The following AFG1L variants were observed in gnomAD, a reference collection of about 807,000 sequenced individuals.
The protein encoded by AFG1L is AFG1-like ATPase.
AFG1L carries 53 observed loss-of-function variants against 62.2 expected under a neutral mutation model. The ratio of observed to expected loss-of-function variants is 0.85; its 90% CI spans 0.68 to 1.07. AFG1L has a LOEUF of 1.07. AFG1L is among the 50% of genes least tolerant of loss of function. The pLI is 0.00. For synonymous variants in AFG1L, 228 were observed against 210.3 expected (o/e 1.08, Z -0.73); for missense variants, 555 against 590.5 (o/e 0.94, Z 0.62).
At chr6:108,340,905 T>C (rs560659197) in intron 2 of AFG1L, among the ~76,000 whole-genome samples, 2 of 152,326 alleles carry the variant, frequency 1.3e-5, no homozygotes, top group African/African-American at 4.8e-5. Flanking sequence ...GTTCTCTTTA[T>C]GAAGAAGTAG....
intron 1 of AFG1L, among the ~76,000 whole-genome samples, chr6:108,311,856 T>C (rs771605077): frequency 1.3e-5 from 2 of 152,096 alleles, no homozygotes; most frequent in East Asian, 1.9e-4. Context: ...TATTTATTTA[T>C]GTATTTTATT....
chr6:108,508,660 G>A (rs1229540729), intron 10 of AFG1L, among the ~76,000 whole-genome samples: 1 of 152,072 alleles, frequency 6.6e-6, no homozygotes, highest in Non-Finnish European at 1.5e-5. Flanking sequence ...TAACTCTCTG[G>A]ATTTACTTGT....
In AFG1L at chr6:108,332,107, A is replaced by G. The variant is rs77798916; in HGVS notation, c.363+8059A>G. On this transcript the variant is annotated intron_variant, in intron 2 of 12. Transcript: ENST00000368977. The stretch of plus-strand genomic sequence containing the variant: ...CACTCAGAGCAGCCACAGGCAATAC[A>G]TAAATAACTGTATTCCAATAAATCT... Among the ~76,000 whole-genome samples the G allele has an allele frequency of 4.1e-3, 631 of 152,372 alleles. 5 individuals carry two copies. The highest frequency in any genetic ancestry group is 0.013 in the African/African-American group (556 of 41,596).
chr6:108,348,038 A>G (rs1778933758), intron 3 of AFG1L, among the ~76,000 whole-genome samples: 1 of 152,052 alleles, frequency 6.6e-6, no homozygotes, highest in African/African-American at 2.4e-5. Context: ...GAAAAGAAAA[A>G]AAAAGGGCAT....
intron 11 of AFG1L, among the ~76,000 whole-genome samples, chr6:108,510,856 C>T (rs6924138): frequency 0.38 from 57,971 of 151,870 alleles, 11,509 homozygotes; most frequent in Non-Finnish European, 0.45. Flanking sequence ...AAGGGAGGAT[C>T]GCTTGAGGCC....
chr6:108,511,953 G>A (rs772500776), intron 11 of AFG1L, among the ~76,000 whole-genome samples: 5 of 152,226 alleles, frequency 3.3e-5, no homozygotes, highest in Non-Finnish European at 7.3e-5. Flanking sequence ...TCACCACTGT[G>A]GGATGACCTG....
intron 2 of AFG1L, among the ~76,000 whole-genome samples, chr6:108,330,465 C>T (rs1351314269): frequency 3.9e-5 from 6 of 152,232 alleles, no homozygotes; most frequent in African/African-American, 9.6e-5. Context: ...TGAGCCACTG[C>T]GCCTGGCTCA....
chr6:108,369,490 G>A (rs1779901039), intron 6 of AFG1L, among the ~76,000 whole-genome samples: 2 of 151,976 alleles, frequency 1.3e-5, no homozygotes, highest in African/African-American at 4.8e-5. Context: ...GAGAAAGAAC[G>A]TCCTTTTCTT....
At chr6:108,418,626 G>T (rs1254384736) in intron 7 of AFG1L, among the ~76,000 whole-genome samples, 1 of 152,174 alleles carries the variant, frequency 6.6e-6, no homozygotes, top group Non-Finnish European at 1.5e-5. Flanking sequence ...GAAGCTTGGT[G>T]AGTGAACCAA....
intron 10 of AFG1L, among the ~76,000 whole-genome samples, chr6:108,480,043 A>T (rs1455282655): frequency 1.3e-5 from 2 of 152,230 alleles, no homozygotes; most frequent in Non-Finnish European, 2.9e-5. Flanking sequence ...TGCCATAAGT[A>T]AAATGAAAAA....
At chr6:108,370,272 G>C (rs947654802) in intron 6 of AFG1L, among the ~76,000 whole-genome samples, 2 of 152,142 alleles carry the variant, frequency 1.3e-5, no homozygotes, top group African/African-American at 2.4e-5. Flanking sequence ...CCTTCTGGCT[G>C]TAGTTTGGAG....
rs894775600 is a variant in AFG1L at position 108,432,996 on chromosome 6, C to A, written c.808-14218C>A. ...AGGAACTGGTTGTCGTGGTTACAAT[C>A]AACATAATCAGGGTAGCTCAGGACT... is the stretch of plus-strand genomic sequence containing the variant. On this transcript the variant is annotated intron_variant, in intron 7 of 12. Coordinates refer to ENST00000368977, the MANE Select transcript of AFG1L (RefSeq NM_145315.5). Among the ~76,000 whole-genome samples the A allele has an allele frequency of 3.9e-5, 6 of 152,174 alleles. No individual in the cohort carries two copies. The South Asian group carries it at 6.2e-4, about 16-fold the overall frequency.
chr6:108,435,248 G>A (rs1771252420), intron 7 of AFG1L, among the ~76,000 whole-genome samples: 1 of 152,182 alleles, frequency 6.6e-6, no homozygotes, highest in South Asian at 2.1e-4. Context: ...AGATGAAGGT[G>A]GGATACAGCT....
intron 6 of AFG1L, among the ~76,000 whole-genome samples, chr6:108,394,030 C>A (rs536939196): frequency 6.9e-4 from 104 of 151,178 alleles, no homozygotes; most frequent in African/African-American, 2.4e-3. Context: ...TGTCTTTCGC[C>A]TTCCCCTTCC....
intron 8 of AFG1L, among the ~76,000 whole-genome samples, chr6:108,458,147 T>C (rs1053064917): frequency 6.6e-6 from 1 of 152,182 alleles, no homozygotes; most frequent in African/African-American, 2.4e-5. Context: ...TTCTTTTGCC[T>C]GGATTTGGTT....
chr6:108,367,779 G>A (rs994460864), intron 6 of AFG1L, among the ~76,000 whole-genome samples: 1 of 152,154 alleles, frequency 6.6e-6, no homozygotes, highest in African/African-American at 2.4e-5. Context: ...GAGGTAGGAG[G>A]AGAACCAGGA....
At chr6:108,357,366 C>T (rs1287051427) in intron 5 of AFG1L, among the ~76,000 whole-genome samples, 4 of 152,048 alleles carry the variant, frequency 2.6e-5, no homozygotes, top group Non-Finnish European at 4.4e-5. Context: ...CAGGCATGAG[C>T]CATGACACCC....
intron 6 of AFG1L, among the ~76,000 whole-genome samples, chr6:108,397,258 G>C (rs1232403380): frequency 6.6e-6 from 1 of 152,162 alleles, no homozygotes; most frequent in Non-Finnish European, 1.5e-5. Context: ...CTCCCAAGTA[G>C]CTGGGATAAC....
At chr6:108,313,241 A>G (rs1445114816) in intron 1 of AFG1L, among the ~76,000 whole-genome samples, 1 of 152,142 alleles carries the variant, frequency 6.6e-6, no homozygotes, top group African/African-American at 2.4e-5. Context: ...CCTTCCTACT[A>G]TACTGGGGGC....
Sources: allele counts gnomAD v4.1 joint callset (sites outside exome capture counted in the v4.1 genomes callset), GRCh38; gene constraint gnomAD v4.1.1; transcripts MANE v1.5; gene names NCBI Gene and HGNC (gene_info 2026-07-23, HGNC 2026-07-21).